Variants in PIK3C2G observed in about 807,000 individuals in gnomAD.
PIK3C2G encodes phosphatidylinositol 3-kinase C2 domain-containing subunit gamma.
In PIK3C2G, 168 loss-of-function variants were observed where a neutral mutation model predicts 181.1. The ratio of observed to expected loss-of-function variants is 0.93; its 90% CI spans 0.82 to 1.05. The LOEUF (loss-of-function observed/expected upper bound fraction) is 1.05, where lower values mean the gene tolerates loss of function less well. Ranked by LOEUF, PIK3C2G falls within the 50% of genes least tolerant of loss-of-function variation. The pLI is 0.00. For missense variants in PIK3C2G, 1,869 were observed against 1,732.8 expected (o/e 1.08, Z -1.40); for synonymous variants, 573 against 592.2 (o/e 0.97, Z 0.47).
intron 24 of PIK3C2G, 142 bp from the exon 25 acceptor site, chr12:18,538,014 C>T (rs1202694184): frequency 3.0e-6 from 2 of 674,282 alleles, no homozygotes; most frequent in African/African-American, 1.9e-5. Flanking sequence ...TCTCAAGCTG[C>T]CTCACAATGA....
rs1172143420 is a variant in PIK3C2G, at chr12:18,282,185, A to G, written c.104A>G (p.Gln35Arg). Residue 35 changes from glutamine (Q) to arginine (R), a missense_variant, in exon 2 of 33, where the codon CAA becomes CGA. Coordinates refer to ENST00000538779, the MANE Select transcript of PIK3C2G (RefSeq NM_001288772.2). The part of the protein sequence containing the change: ...LFVNQPHSSS[Q>R]VSLGFDQIVD... ...GTAAATCAACCCCATTCTTCTAGCC[A>G]AGTCAGTCTGGGTTTTGATCAGATA... 5.6e-6 allele frequency: 9 copies of G among 1,612,406 alleles called. No homozygotes were observed. The South Asian group carries it at 8.8e-5, about 16-fold the overall frequency.
In PIK3C2G at chr12:18,406,624, A is replaced by C. The variant is rs564348102; in HGVS notation, c.2315+6777A>C. Among the ~76,000 whole-genome samples the C allele has an allele frequency of 2.0e-5, 3 of 152,278 alleles. No individual in the cohort carries two copies. In the South Asian group the frequency reaches 6.2e-4, roughly 32 times the overall value. On this transcript the variant is annotated intron_variant, in intron 16 of 32. Transcript: ENST00000538779. ...GCGTGCTTACAAGGTGAAAGGAAGGATATTTGAAGGGAAGATCAGAAAAGA... is the reference window on the plus strand; with the variant it reads ...GCGTGCTTACAAGGTGAAAGGAAGGCTATTTGAAGGGAAGATCAGAAAAGA...
chr12:18,417,587 G>A (rs1273984623), intron 16 of PIK3C2G, among the ~76,000 whole-genome samples: 2 of 152,058 alleles, frequency 1.3e-5, no homozygotes, highest in Non-Finnish European at 2.9e-5. Context: ...CCCTCCACCA[G>A]CAAAAAGATT....
chr12:18,290,482 TA>T (rs1462615778), intron 3 of PIK3C2G, among the ~76,000 whole-genome samples: 1 of 152,188 alleles, frequency 6.6e-6, no homozygotes, highest in Non-Finnish European at 1.5e-5. Flanking sequence ...TTGACAAAAT[TA>T]GGCATGAAAG....
At chr12:18,404,167 G>T (rs1035288236) in intron 16 of PIK3C2G, among the ~76,000 whole-genome samples, 2 of 151,868 alleles carry the variant, frequency 1.3e-5, no homozygotes, top group African/African-American at 4.8e-5. Context: ...CCAAACCATT[G>T]TATTCTTTAT....
intron 26 of PIK3C2G, among the ~76,000 whole-genome samples, chr12:18,558,795 C>T (rs1233216995): frequency 2.6e-5 from 4 of 152,282 alleles, no homozygotes; most frequent in South Asian, 4.1e-4. Flanking sequence ...CTATTATCTA[C>T]CCCCATACTT....
chr12:18,633,706 G>A (rs899169592), intron 31 of PIK3C2G, among the ~76,000 whole-genome samples: 2 of 152,160 alleles, frequency 1.3e-5, no homozygotes, highest in African/African-American at 4.8e-5. Context: ...AATCACTCTA[G>A]CCAGAACTGT....
At chr12:18,653,366 C>T (rs1219842487), downstream of PIK3C2G, among the ~76,000 whole-genome samples, 2 of 152,078 alleles carry the variant, frequency 1.3e-5, no homozygotes, top group African/African-American at 4.8e-5. Flanking sequence ...ACAAATGTTA[C>T]AAATTTATGT....
At chr12:18,692,850 TA>T in the PIK3C2G span, 1 of 1,596,672 alleles carries the variant, frequency 6.3e-7, no homozygotes, top group African/African-American at 1.3e-5. Flanking sequence ...GAAAAAGAAA[TA>T]TGAACCTCCT....
At chr12:18,318,623 A>G (rs1950972390) in intron 6 of PIK3C2G, among the ~76,000 whole-genome samples, 1 of 152,004 alleles carries the variant, frequency 6.6e-6, no homozygotes, top group South Asian at 2.1e-4. Flanking sequence ...GAATATGACT[A>G]TCATCATTAT....
At chr12:18,338,640 T>A in intron 9 of PIK3C2G, 92 bp downstream of exon 9, 2 of 837,312 alleles carry the variant, frequency 2.4e-6, no homozygotes, top group Non-Finnish European at 3.9e-6. Context: ...CAACTATATT[T>A]CCGTGTGTAT....
chr12:18,582,604 A>G lies in PIK3C2G; in HGVS notation c.4012-11890A>G, dbSNP rs74068099. Among the ~76,000 whole-genome samples the G allele has an allele frequency of 5.9e-3, 904 of 152,238 alleles. 10 individuals carry two copies. Among genetic ancestry groups the G allele is most frequent in the African/African-American group, 0.021 (872 of 41,564 alleles). On this transcript the variant is annotated intron_variant, in intron 29 of 32. Coordinates refer to ENST00000538779, the MANE Select transcript of PIK3C2G (RefSeq NM_001288772.2). ...GCTGAATCCAGGGGGCTGAGCAGCA[A>G]TGGTGTGCAGGCTCCGCTTCCACAG...
chr12:18,274,867 ATATGTT>A (rs1437105064), intron 1 of PIK3C2G, among the ~76,000 whole-genome samples: 1 of 152,186 alleles, frequency 6.6e-6, no homozygotes, highest in Non-Finnish European at 1.5e-5. Flanking sequence ...TGAACTACGT[ATATGTT>A]GTCAGATCAG....
rs532066556 is a variant in PIK3C2G, at chr12:18,644,943, C to T, written c.4309-2933C>T. ...ACACTTTAGAATTATTTACTAGACC[C>T]TTGTGTCAACTAATGTTCAGTAAAT... On this transcript the variant is annotated intron_variant, in intron 32 of 32. Coordinates refer to ENST00000538779, the MANE Select transcript of PIK3C2G (RefSeq NM_001288772.2). Among the ~76,000 whole-genome samples the T allele has an allele frequency of 1.2e-4, 19 of 152,198 alleles. No individual in the cohort carries two copies. The South Asian group carries it at 3.3e-3, about 27-fold the overall frequency.
intron 18 of PIK3C2G, among the ~76,000 whole-genome samples, chr12:18,442,816 C>T (rs1946816899): frequency 1.3e-5 from 2 of 151,754 alleles, no homozygotes; most frequent in South Asian, 2.1e-4. Context: ...TTTATATAGA[C>T]TTGAGTTAGA....
intron 16 of PIK3C2G, among the ~76,000 whole-genome samples, chr12:18,405,135 C>T (rs1011474367): frequency 2.6e-5 from 4 of 152,210 alleles, no homozygotes; most frequent in Middle Eastern, 3.4e-3. Flanking sequence ...ACGTAGTGAA[C>T]GTTGAAAAGT....
intron 14 of PIK3C2G, among the ~76,000 whole-genome samples, chr12:18,386,981 C>T (rs1211316814): frequency 6.6e-6 from 1 of 152,104 alleles, no homozygotes; most frequent in Non-Finnish European, 1.5e-5. Context: ...CTGAAACCCC[C>T]ACCTGGATAT....
intron 5 of PIK3C2G, among the ~76,000 whole-genome samples, chr12:18,298,290 AT>A (rs1234678920): frequency 2.6e-5 from 4 of 151,580 alleles, no homozygotes; most frequent in Non-Finnish European, 5.9e-5. Flanking sequence ...TGATTTGAAC[AT>A]TTTTTATATA....
the PIK3C2G span, among the ~76,000 whole-genome samples, chr12:18,680,382 A>G: frequency 1.3e-5 from 2 of 151,948 alleles, no homozygotes; most frequent in Admixed American, 6.6e-5. Flanking sequence ...CTTATATCCA[A>G]CATTTAAAAT....
Sources: gnomAD v4.1 joint callset for allele counts (sites outside exome capture counted in the v4.1 genomes callset) on GRCh38, gnomAD v4.1.1 for gene constraint, MANE v1.5 for transcripts, NCBI Gene and HGNC (gene_info 2026-07-23, HGNC 2026-07-21) for gene names.